The following CACNA1S variants were observed in gnomAD, a reference collection of about 807,000 sequenced individuals.
The protein encoded by CACNA1S is calcium voltage-gated channel subunit alpha1 S.
In CACNA1S, 126 loss-of-function variants were observed where a neutral mutation model predicts 207.4. That is an observed-to-expected ratio of 0.61 (90% CI 0.53 to 0.70). The LOEUF is 0.70. Among genes scored for constraint, CACNA1S ranks in the 30% least tolerant of loss-of-function variants. The probability of loss-of-function intolerance (pLI) is 0.00; values close to 1 mark genes in which losing one functional copy is unlikely to be tolerated. For missense variants in CACNA1S, 2,349 were observed against 2,422.8 expected, an observed-to-expected ratio of 0.97 and a Z score of 0.64; for synonymous variants, 960 against 932.7, an observed-to-expected ratio of 1.03 and a Z score of -0.53.
chr1:201,074,594 T>C lies in CACNA1S; in HGVS notation c.1975A>G (p.Ile659Val). 6.2e-7 allele frequency: 1 copy of C among 1,613,648 alleles called. No individual in the cohort carries two copies. Among genetic ancestry groups the C allele is most frequent in the Non-Finnish European group, 8.5e-7 (1 of 1,179,618 alleles). Residue 659 changes from isoleucine (I) to valine (V), a missense_variant, in exon 14 of 44, where the codon ATT becomes GTT. Transcript: ENST00000362061. ...GCCTCGGCCAGGTTGTCCACGGCAA[T>C]GGCCAGGAAGACATTGAGCAGGATG... Reference protein sequence around the residue: ...NYILLNVFLAIAVDNLAEAES... With the variant: ...NYILLNVFLAVAVDNLAEAES...
chr1:201,109,350 A>G (rs1045478879), intron 2 of CACNA1S, among the ~76,000 whole-genome samples: 2 of 152,210 alleles, frequency 1.3e-5, no homozygotes, highest in Non-Finnish European at 2.9e-5. Context: ...AACTCTCTGA[A>G]TATCAGTCTC....
At chr1:201,067,377 G>T (rs533690189) in intron 19 of CACNA1S, among the ~76,000 whole-genome samples, 297 of 152,278 alleles carry the variant, frequency 2.0e-3, no homozygotes, top group African/African-American at 6.9e-3. Flanking sequence ...TGCTAAGTCA[G>T]GCTGAACAAG....
chr1:201,059,712 A>G (rs1474567605), intron 26 of CACNA1S, among the ~76,000 whole-genome samples: 1 of 152,206 alleles, frequency 6.6e-6, no homozygotes, highest in Non-Finnish European at 1.5e-5. Context: ...AGACCCCTGG[A>G]TTCCATAGTC....
rs996340255 is a variant in CACNA1S, at chr1:201,044,376, C to T, written c.4749G>A (p.Glu1583=). 1 of 1,613,788 alleles carries T rather than the reference C, an allele frequency of 6.2e-7. No individual in the cohort carries two copies. The highest frequency in any genetic ancestry group is 8.5e-7 in the Non-Finnish European group (1 of 1,179,918). The change falls in exon 39 of 44, where the codon GAG becomes GAA. Residue 1583 remains glutamate (E), a synonymous_variant. Transcript: ENST00000362061. The part of the protein sequence containing the change: ...TVSGDLAAEE[E]LERAMVEAAM... ...CAGCCTCCACCATGGCTCTCTCCAG[C>T]TCCTCCTCAGCAGCCAGGTCTCCTG... is the stretch of plus-strand genomic sequence containing the variant.
chr1:201,087,746 C>T (rs1028695805), intron 7 of CACNA1S, 80 bp downstream of exon 7: 24 of 930,012 alleles, frequency 2.6e-5, no homozygotes, highest in Non-Finnish European at 3.8e-5. Context: ...GTTTCTTTTC[C>T]CTCCGTTCCT....
At chr1:201,085,631 C>A in intron 7 of CACNA1S, 50 bp from the exon 8 acceptor site, 1 of 1,603,814 alleles carries the variant, frequency 6.2e-7, no homozygotes, top group South Asian at 1.1e-5. Context: ...GGAACAGTGT[C>A]AAGGAAAGAC....
Position 201,065,848 on chromosome 1 carries a change from T to C in CACNA1S, c.2843A>G (p.Gln948Arg). Residue 948 changes from glutamine to arginine, a missense_variant, in exon 22 of 44, where the codon CAG becomes CGG. Physicochemically the swap from Gln to Arg is conservative, Grantham distance 43. Transcript: ENST00000362061. ...CAGGCTGGGGCTCACCTTGAAGAGC[T>C]GGACGCCGATGCAGGCAAACATGAA... Reference protein sequence around the residue: ...LQFMFACIGVQLFKGKFFRCT... With the variant: ...LQFMFACIGVRLFKGKFFRCT... 1 of 1,613,634 alleles carries C rather than the reference T, an allele frequency of 6.2e-7. No individual in the cohort carries two copies.
chr1:201,074,369 A>G (rs760851215), intron 14 of CACNA1S, 137 bp downstream of exon 14: 25 of 703,202 alleles, frequency 3.6e-5, no homozygotes, highest in Non-Finnish European at 6.5e-5. Context: ...TGCAGGTTAC[A>G]GAAGTTTGCC....
intron 2 of CACNA1S, among the ~76,000 whole-genome samples, chr1:201,107,396 T>C (rs1385852391): frequency 6.6e-6 from 1 of 152,252 alleles, no homozygotes; most frequent in Non-Finnish European, 1.5e-5. Context: ...TCCCCAAATC[T>C]TGAACCTTTC....
At chr1:201,072,254 C>T (rs891374938) in intron 16 of CACNA1S, among the ~76,000 whole-genome samples, 4 of 152,172 alleles carry the variant, frequency 2.6e-5, no homozygotes, top group African/African-American at 9.7e-5. Flanking sequence ...CTTATCCATG[C>T]TCCCCCTACC....
Position 201,069,138 on chromosome 1 carries a change from T to G in CACNA1S, c.2549A>C (p.Lys850Thr). 1 of 1,613,946 alleles carries G rather than the reference T, an allele frequency of 6.2e-7. No homozygotes were observed. The highest frequency in any genetic ancestry group is 8.5e-7 in the Non-Finnish European group (1 of 1,179,800). ...TSVFTVEIVL[K>T]MTTYGAFLHK... Reference sequence around the variant, plus strand: ...GGCTGCCCCACAGCCTTCACTCACCTTGAGGACAATCTCCACAGTGAAGAC... The same window carrying G: ...GGCTGCCCCACAGCCTTCACTCACCGTGAGGACAATCTCCACAGTGAAGAC... The change falls in exon 19 of 44, where the codon AAG (lysine) becomes ACG (threonine). Residue 850 changes from lysine to threonine, a missense_variant and splice_region_variant. Transcript: ENST00000362061.
chr1:201,040,329 T>A lies in CACNA1S; in HGVS notation c.5272A>T (p.Thr1758Ser), dbSNP rs1475615123. ...SSMPEDRKSS[T>S]PGSLHEETPH... ...GTCTCCTCATGAAGAGACCCTGGTG[T>A]GGAGCTCTTTCTGTCCTCAGGCATG... The change falls in exon 43 of 44, where the codon ACA (threonine) becomes TCA (serine). Residue 1758 changes from threonine (T) to serine (S), a missense_variant. Thr to Ser is a moderately conservative substitution (Grantham distance 58). Coordinates refer to ENST00000362061, the MANE Select transcript of CACNA1S (RefSeq NM_000069.3). The A allele has an allele frequency of 1.2e-6, 2 of 1,613,704 alleles. No individual in the cohort carries two copies.
chr1:201,080,663 C>T (rs780945491), intron 10 of CACNA1S, among the ~76,000 whole-genome samples: 4 of 152,130 alleles, frequency 2.6e-5, no homozygotes, highest in African/African-American at 9.7e-5. Context: ...GTTTTTGGGG[C>T]TGCCAGCTTC....
At chr1:201,045,896 G>A (rs2102551346) in intron 38 of CACNA1S, among the ~76,000 whole-genome samples, 1 of 152,198 alleles carries the variant, frequency 6.6e-6, no homozygotes, top group Non-Finnish European at 1.5e-5. Flanking sequence ...GTTTTTGGAT[G>A]ATGGAACATC....
intron 10 of CACNA1S, among the ~76,000 whole-genome samples, chr1:201,079,552 C>T (rs1395085265): frequency 8.0e-6 from 1 of 124,396 alleles, no homozygotes; most frequent in Non-Finnish European, 1.7e-5. Flanking sequence ...TCTCCCCACC[C>T]CTACCCCTCC....
Position 201,050,457 on chromosome 1 carries a change from C to T in CACNA1S, c.4173G>A (p.Trp1391Ter), listed in dbSNP as rs761239255. ...MDNFDYLTRD[W>*]SILGPHHLDE... ...CCAGGTGATGAGGGCCCAGGATGGA[C>T]CAGTCCCGGGTGAGGTAGTCAAAAT... The change falls in exon 34 of 44, where the codon TGG becomes TGA. Residue 1391 changes from tryptophan (W) to a stop codon, truncating the protein, a stop_gained. Transcript: ENST00000362061. LOFTEE classifies it high-confidence loss of function. 1.2e-6 allele frequency: 2 copies of T among 1,614,040 alleles called. No homozygotes were observed. The highest frequency in any genetic ancestry group is 2.2e-5 in the South Asian group (2 of 91,064).
At position 201,046,389 on chromosome 1, in the gene CACNA1S, C is replaced by A. The variant is rs1007519079; in HGVS notation, c.4668+726G>T. Among the ~76,000 whole-genome samples the A allele has an allele frequency of 2.6e-5, 4 of 152,266 alleles. No individual in the cohort carries two copies. The East Asian group carries it at 7.7e-4, about 29-fold the overall frequency. On this transcript the variant is annotated intron_variant, in intron 38 of 43. Coordinates refer to ENST00000362061, the MANE Select transcript of CACNA1S (RefSeq NM_000069.3). ...AGAGATGGGGTTCTACCATCTTGCCCAGGCTGGTCTCAAACTCCTGACCTC... is the reference window on the plus strand; with the variant it reads ...AGAGATGGGGTTCTACCATCTTGCCAAGGCTGGTCTCAAACTCCTGACCTC...
rs990562935 is a variant in CACNA1S at position 201,053,059 on chromosome 1, C to T, written c.3861+150G>A. On this transcript the variant is annotated intron_variant, in intron 31 of 43. Transcript: ENST00000362061. This position sits in a 1 kb window ranked among gnomAD's most constrained non-coding sequence, Gnocchi z 5.1. ...ATCTGACACTCCAGCCATCCACGAT[C>T]AGGGAGGTTGTCCCTCCTTCTTTCT... 5.5e-6 allele frequency: 5 copies of T among 910,002 alleles called. No individual in the cohort carries two copies. In the East Asian group the frequency reaches 7.5e-5, roughly 14 times the overall value. The allele number at this position is 910,002 out of a possible 1,614,324, so 56.4% of individuals were successfully genotyped here.
intron 24 of CACNA1S, 125 bp from the exon 25 acceptor site, chr1:201,061,593 T>C: frequency 1.1e-6 from 1 of 927,280 alleles, no homozygotes; most frequent in Non-Finnish European, 1.6e-6. Flanking sequence ...ACAATCAAGT[T>C]ACGGGACAGG....
Sources: allele counts gnomAD v4.1 joint callset (sites outside exome capture counted in the v4.1 genomes callset), GRCh38; gene constraint gnomAD v4.1.1; non-coding constraint Gnocchi (gnomAD v3.1); transcripts MANE v1.5; gene names NCBI Gene and HGNC (gene_info 2026-07-23, HGNC 2026-07-21).